LRRIQ4: variants seen among roughly 807,000 people sequenced by gnomAD.
LRRIQ4 encodes leucine rich repeats and IQ motif containing 4.
Under a neutral mutation model 40.1 loss-of-function variants are expected in LRRIQ4, and 21 were observed. That is an observed-to-expected ratio of 0.52 (90% CI 0.37 to 0.75). The LOEUF (loss-of-function observed/expected upper bound fraction) is 0.75, where lower values mean the gene tolerates loss of function less well. Ranked by LOEUF, LRRIQ4 falls within the 30% of genes least tolerant of loss-of-function variation. The probability of loss-of-function intolerance (pLI) is 0.00; values close to 1 mark genes in which losing one functional copy is unlikely to be tolerated. For synonymous variants in LRRIQ4, 277 were observed against 277.1 expected, an observed-to-expected ratio of 1.00 and a Z score of 0.00; for missense variants, 655 against 660.0, an observed-to-expected ratio of 0.99 and a Z score of 0.08.
chr3:169,813,205 T>C (rs1366669107), intron 1 of LRRIQ4, among the ~76,000 whole-genome samples, 159 bp downstream of exon 1: 2 of 152,218 alleles, frequency 1.3e-5, no homozygotes, highest in Non-Finnish European at 2.9e-5. Flanking sequence ...AGGAAGGCTT[T>C]AATCTGGTGC....
At position 169,822,779 on chromosome 3, in the gene LRRIQ4, C is replaced by G. The variant is rs1300154546; in HGVS notation, c.858C>G (p.Tyr286Ter). Residue 286 changes from tyrosine (Y) to a stop codon, truncating the protein, a stop_gained, in exon 2 of 6, where the codon TAC becomes TAG. Coordinates refer to ENST00000340806, the MANE Select transcript of LRRIQ4 (RefSeq NM_001080460.3). LOFTEE classifies it high-confidence loss of function. ...ICRWTSLHLL[Y>*]LGNTGLHRLR... ...GGTGGACCTCGCTGCACCTGCTCTACCTGGGAAACACCGGCCTGCACAGGC... is the reference window on the plus strand; with the variant it reads ...GGTGGACCTCGCTGCACCTGCTCTAGCTGGGAAACACCGGCCTGCACAGGC... 6.8e-6 allele frequency: 11 copies of G among 1,613,592 alleles called. No homozygotes were observed. Among genetic ancestry groups the G allele is most frequent in the Non-Finnish European group, 7.6e-6 (9 of 1,179,694 alleles).
chr3:169,836,428 G>A (rs935520175), intron 5 of LRRIQ4, among the ~76,000 whole-genome samples: 8 of 152,116 alleles, frequency 5.3e-5, no homozygotes, highest in African/African-American at 1.9e-4. Flanking sequence ...GTCTGGTGAA[G>A]GCCCTCTTCC....
In LRRIQ4 at chr3:169,837,671, A is replaced by T; in HGVS notation, c.*40A>T. ...AAATTGGGGTAATGGACCTTGATAG[A>T]TTAAGAAGACAAAATATCTAGGAAT... On this transcript the variant is annotated 3_prime_UTR_variant, in exon 6 of 6. Coordinates refer to ENST00000340806, the MANE Select transcript of LRRIQ4 (RefSeq NM_001080460.3). 2.7e-6 allele frequency: 4 copies of T among 1,465,212 alleles called. No homozygotes were observed. In the South Asian group the frequency reaches 5.5e-5, roughly 20 times the overall value. The allele number at this position is 1,465,212 out of a possible 1,614,324, so 90.8% of individuals were successfully genotyped here. A position where few individuals can be genotyped will look rare whatever the true frequency, so the allele number is the denominator to read the frequency against.
chr3:169,832,822 C>A (rs532142135), intron 4 of LRRIQ4, among the ~76,000 whole-genome samples, 165 bp from the exon 5 acceptor site: 30 of 152,166 alleles, frequency 2.0e-4, no homozygotes, highest in Non-Finnish European at 4.1e-4. Context: ...AGAGCTAGAA[C>A]TTTTATTAGA....
chr3:169,828,867 T>G lies in LRRIQ4; in HGVS notation c.1129T>G (p.Leu377Val), dbSNP rs760592254. Reference sequence around the variant, plus strand: ...CCTTTCTTTAGCGTCTTTAGAGAAATTATACATTGGGCAAGACCAGGGATT... The same window carrying G: ...CCTTTCTTTAGCGTCTTTAGAGAAAGTATACATTGGGCAAGACCAGGGATT... ...EVLSLASLEK[L>V]YIGQDQGFKL... Residue 377 changes from leucine (L) to valine (V), a missense_variant, in exon 3 of 6, where the codon TTA becomes GTA. Physicochemically the swap from Leu to Val is conservative, Grantham distance 32 (BLOSUM62 1). Coordinates refer to ENST00000340806, the MANE Select transcript of LRRIQ4 (RefSeq NM_001080460.3). 6.2e-7 allele frequency: 1 copy of G among 1,613,874 alleles called. No homozygotes were observed. Among genetic ancestry groups the G allele is most frequent in the Non-Finnish European group, 8.5e-7 (1 of 1,179,878 alleles).
At chr3:169,827,269 A>G (rs532283055) in intron 2 of LRRIQ4, among the ~76,000 whole-genome samples, 80 of 152,308 alleles carry the variant, frequency 5.3e-4, no homozygotes, top group African/African-American at 1.8e-3. Context: ...AAAATAAGGC[A>G]TCTCTGTAAC....
intron 2 of LRRIQ4, among the ~76,000 whole-genome samples, chr3:169,826,109 A>G (rs539258621): frequency 1.3e-5 from 2 of 152,272 alleles, no homozygotes; most frequent in East Asian, 1.9e-4. Context: ...GGAGAAAAGC[A>G]GGCCACGTGC....
intron 4 of LRRIQ4, 101 bp downstream of exon 4, chr3:169,830,731 A>T: frequency 1.4e-6 from 2 of 1,384,244 alleles, no homozygotes; most frequent in Non-Finnish European, 2.0e-6. Flanking sequence ...CTCAGTGTTC[A>T]GAGAACTGAG....
chr3:169,832,400 G>A (rs1029934170), intron 4 of LRRIQ4, among the ~76,000 whole-genome samples: 8 of 151,332 alleles, frequency 5.3e-5, no homozygotes, highest in South Asian at 4.2e-4. Context: ...CCCGGGAGGC[G>A]GAGGCTGCAC....
intron 1 of LRRIQ4, among the ~76,000 whole-genome samples, chr3:169,814,734 C>A (rs1779728852): frequency 6.6e-6 from 1 of 152,192 alleles, no homozygotes; most frequent in African/African-American, 2.4e-5. Flanking sequence ...ATCTACCTGC[C>A]TCTGCCGCCC....
Position 169,822,067 on chromosome 3 carries a change from A to G in LRRIQ4, c.146A>G (p.Glu49Gly). The change falls in exon 2 of 6, where the codon GAA becomes GGA. Residue 49 changes from glutamate to glycine, a missense_variant. Glu to Gly is a moderately conservative substitution (Grantham distance 98). Coordinates refer to ENST00000340806, the MANE Select transcript of LRRIQ4 (RefSeq NM_001080460.3). ...CCTTTGGAGATCTTCACATTCACAG[A>G]ATTAGAAGAAGTGCATTTGGAGAAT... is the stretch of plus-strand genomic sequence containing the variant. Reference protein sequence around the residue: ...AIPLEIFTFTELEEVHLENNQ... With the variant: ...AIPLEIFTFTGLEEVHLENNQ... The G allele has an allele frequency of 6.2e-7, 1 of 1,604,950 alleles. No homozygotes were observed. The highest frequency in any genetic ancestry group is 8.5e-7 in the Non-Finnish European group (1 of 1,177,714).
chr3:169,828,237 AT>A (rs776444973), intron 2 of LRRIQ4, among the ~76,000 whole-genome samples: 2,446 of 146,534 alleles, frequency 0.017, 66 homozygotes, highest in African/African-American at 0.056. Context: ...AATTGCTCCA[AT>A]TTTTTTTTTT....
rs115216040 is a variant in LRRIQ4 at position 169,830,978 on chromosome 3, A to G, written c.1333+348A>G. Among the ~76,000 whole-genome samples the G allele has an allele frequency of 3.0e-3, 457 of 152,356 alleles. 2 individuals are homozygous for G. Among genetic ancestry groups the G allele is most frequent in the African/African-American group, 1.0e-2 (415 of 41,580 alleles). On this transcript the variant is annotated intron_variant, in intron 4 of 5. Transcript: ENST00000340806. Reference sequence around the variant, plus strand: ...GAGTTGGGATCCTGCAGTAAATTTCATCTAGGTCACGGAGTCACTTGAGTA... The same window carrying G: ...GAGTTGGGATCCTGCAGTAAATTTCGTCTAGGTCACGGAGTCACTTGAGTA...
intron 4 of LRRIQ4, among the ~76,000 whole-genome samples, chr3:169,831,683 G>A (rs1246381972): frequency 6.6e-6 from 1 of 150,654 alleles, no homozygotes; most frequent in Non-Finnish European, 1.5e-5. Context: ...AAAAACTGGG[G>A]GCAAGGCCAG....
intron 2 of LRRIQ4, among the ~76,000 whole-genome samples, chr3:169,827,573 C>G (rs1313582811): frequency 1.4e-5 from 2 of 143,268 alleles, no homozygotes; most frequent in Non-Finnish European, 3.0e-5. Context: ...CGCCACTGCA[C>G]TCCAGCCTGG....
At chr3:169,831,908 A>C (rs1285827589) in intron 4 of LRRIQ4, among the ~76,000 whole-genome samples, 1 of 151,494 alleles carries the variant, frequency 6.6e-6, no homozygotes, top group East Asian at 2.0e-4. Flanking sequence ...CAGAGGTTGC[A>C]GTGAGCTGAG....
chr3:169,836,395 G>C (rs1780302205), intron 5 of LRRIQ4, among the ~76,000 whole-genome samples: 1 of 152,144 alleles, frequency 6.6e-6, no homozygotes, highest in Non-Finnish European at 1.5e-5. Flanking sequence ...GAAGTCTAAG[G>C]TCAGAGTATC....
intron 1 of LRRIQ4, among the ~76,000 whole-genome samples, chr3:169,819,740 G>C (rs941651048): frequency 6.6e-6 from 1 of 152,110 alleles, no homozygotes; most frequent in Non-Finnish European, 1.5e-5. Context: ...GATTAATTAG[G>C]TTACTTTAAG....
At chr3:169,824,004 G>T (rs1779980301) in intron 2 of LRRIQ4, among the ~76,000 whole-genome samples, 2 of 151,896 alleles carry the variant, frequency 1.3e-5, no homozygotes, top group Non-Finnish European at 2.9e-5. Context: ...AAAACCTAAG[G>T]TTCCGCATCA....
Sources: gnomAD v4.1 joint callset for allele counts (sites outside exome capture counted in the v4.1 genomes callset) on GRCh38, gnomAD v4.1.1 for gene constraint, MANE v1.5 for transcripts, NCBI Gene and HGNC (gene_info 2026-07-23, HGNC 2026-07-21) for gene names.